Variants in SLC38A4 observed in about 807,000 individuals in gnomAD.
The protein encoded by SLC38A4 is solute carrier family 38 member 4.
A neutral mutation model predicts 63.1 loss-of-function variants in SLC38A4; 20 were observed. That is an observed-to-expected ratio of 0.32 (90% confidence interval 0.22 to 0.46). The LOEUF is 0.46. Among genes scored for constraint, SLC38A4 ranks in the 20% least tolerant of loss-of-function variants. SLC38A4 has a pLI of 1.00. For synonymous variants in SLC38A4, 230 were observed against 225.5 expected (o/e 1.02, Z -0.18); for missense variants, 526 against 663.6 (o/e 0.79, Z 2.28).
chr12:46,764,965 A>G lies in SLC38A4; in HGVS notation c.*1736T>C, dbSNP rs1395691543. On this transcript the variant is annotated 3_prime_UTR_variant, in exon 17 of 17. Transcript: ENST00000266579. ...ATGAATTTTAATCCTGGTTATGAAG[A>G]AAAAAATGGTGCTTTATTATTTGGC... 7 of 152,566 alleles carry G rather than the reference A, an allele frequency of 4.6e-5. No individual in the cohort carries two copies. The highest frequency in any genetic ancestry group is 8.8e-5 in the Non-Finnish European group (6 of 67,982). The allele number at this position is 152,566 out of a possible 1,614,324, so 9.5% of individuals were successfully genotyped here.
chr12:46,791,464 G>C (rs1376093688), intron 3 of SLC38A4, among the ~76,000 whole-genome samples: 1 of 152,132 alleles, frequency 6.6e-6, no homozygotes, highest in Non-Finnish European at 1.5e-5. Flanking sequence ...TCATTGCACT[G>C]AGCTACTTGA....
Position 46,792,962 on chromosome 12 carries a change from G to C in SLC38A4, c.110C>G (p.Ala37Gly). 1 of 1,611,482 alleles carries C rather than the reference G, an allele frequency of 6.2e-7. No individual in the cohort carries two copies. The highest frequency in any genetic ancestry group is 2.2e-5 in the East Asian group (1 of 44,802). The change falls in exon 3 of 17, where the codon GCA becomes GGA. Residue 37 changes from alanine (A) to glycine (G), a missense_variant. Transcript: ENST00000266579. ...ATTTTTAACCCCATACCTGCTCATT[G>C]CTGCCTTTTCTGAATTTCCTATCCC... ...YIGIGNSEKA[A>G]MSSQFANEDT...
At chr12:46,816,251 A>G (rs1336990489) in intron 1 of SLC38A4, among the ~76,000 whole-genome samples, 1 of 151,930 alleles carries the variant, frequency 6.6e-6, no homozygotes, top group African/African-American at 2.4e-5. Flanking sequence ...AAAATTTCTA[A>G]GTTACTTATT....
chr12:46,775,113 A>T lies in SLC38A4; in HGVS notation c.1235T>A (p.Leu412His), dbSNP rs759874361. ...AAGGACTGCCAGGCGAACCATGAGA[A>T]GAGGGATGTCTAATGTATACACTTT... ...YSKVYTLDIPLLMVRLAVLVA... is the reference protein window; with the variant it reads ...YSKVYTLDIPHLMVRLAVLVA... Residue 412 changes from leucine (L) to histidine (H), a missense_variant, in exon 14 of 17, where the codon CTT (leucine) becomes CAT (histidine). By Grantham distance (99) the Leu-to-His change is moderately conservative. Coordinates refer to ENST00000266579, the MANE Select transcript of SLC38A4 (RefSeq NM_018018.5). 6.2e-7 allele frequency: 1 copy of T among 1,612,942 alleles called. No individual in the cohort carries two copies. Among genetic ancestry groups the T allele is most frequent in the Non-Finnish European group, 8.5e-7 (1 of 1,179,208 alleles).
rs1207412170 is a variant in SLC38A4, at chr12:46,766,865, G to A, written c.1543-63C>T. The A allele has an allele frequency of 4.1e-5, 47 of 1,154,108 alleles. No individual in the cohort carries two copies. In the South Asian group the frequency reaches 5.4e-4, roughly 13 times the overall value. The allele number at this position is 1,154,108 out of a possible 1,614,324, so 71.5% of individuals were successfully genotyped here. A position where few individuals can be genotyped will look rare whatever the true frequency, so the allele number is the denominator to read the frequency against. On this transcript the variant is annotated intron_variant, in intron 16 of 16. Coordinates refer to ENST00000266579, the MANE Select transcript of SLC38A4 (RefSeq NM_018018.5). The stretch of plus-strand genomic sequence containing the variant: ...CATACTTAGTACAATTTGTTTTTTA[G>A]TTGTTTACATAATATGGCAATCTGA...
chr12:46,824,751 G>A (rs1044858677), intron 1 of SLC38A4, among the ~76,000 whole-genome samples: 25 of 152,328 alleles, frequency 1.6e-4, no homozygotes, highest in Middle Eastern at 3.4e-3. Context: ...CCGGGGTAGC[G>A]AGGAGCAGGT....
chr12:46,784,458 G>T, intron 7 of SLC38A4, 84 bp downstream of exon 7: 1 of 966,692 alleles, frequency 1.0e-6, no homozygotes, highest in Non-Finnish European at 1.5e-6. Flanking sequence ...TATCTAAAGT[G>T]CCTGTTTATT....
In SLC38A4 at chr12:46,784,653, T is replaced by G. The variant is rs767514898; in HGVS notation, c.401-19A>C. ...AAAGACCCTACAATCAAAGATAAAA[T>G]AGCCTTGTTAAAGAGATTGTTTTAA... On this transcript the variant is annotated intron_variant, in intron 6 of 16. Coordinates refer to ENST00000266579, the MANE Select transcript of SLC38A4 (RefSeq NM_018018.5). 15 of 1,580,428 alleles carry G rather than the reference T, an allele frequency of 9.5e-6. No homozygotes were observed. Among genetic ancestry groups the G allele is most frequent in the Middle Eastern group, 1.7e-4 (1 of 6,006 alleles).
chr12:46,814,772 A>G (rs1939405740), intron 1 of SLC38A4, among the ~76,000 whole-genome samples: 1 of 151,942 alleles, frequency 6.6e-6, no homozygotes, highest in Admixed American at 6.6e-5. Flanking sequence ...ATCAAACAAG[A>G]CAACATGCTT....
Position 46,766,728 on chromosome 12 carries a change from A to G in SLC38A4, c.1617T>C (p.Tyr539=), listed in dbSNP as rs1212990380. 1.2e-6 allele frequency: 2 copies of G among 1,611,560 alleles called. No individual in the cohort carries two copies. The highest frequency in any genetic ancestry group is 1.3e-5 in the African/African-American group (1 of 74,888). Residue 539 remains tyrosine (Y), a synonymous_variant, in exon 17 of 17, where the codon TAT becomes TAC. Coordinates refer to ENST00000266579, the MANE Select transcript of SLC38A4 (RefSeq NM_018018.5). ...SMALIIIDWI[Y]DPPNSKHH ...AGTGATGCTTGGAATTTGGAGGATC[A>G]TAAATCCAGTCAATTATAATGAGTG... is the stretch of plus-strand genomic sequence containing the variant.
At chr12:46,772,189 G>T (rs776598519) in intron 14 of SLC38A4, among the ~76,000 whole-genome samples, 7 of 150,550 alleles carry the variant, frequency 4.6e-5, no homozygotes, top group Non-Finnish European at 8.9e-5. Context: ...CTTTGATTTT[G>T]CAGGTTTGCT....
chr12:46,821,944 C>A (rs900683210), intron 1 of SLC38A4, among the ~76,000 whole-genome samples: 1 of 152,004 alleles, frequency 6.6e-6, no homozygotes, highest in African/African-American at 2.4e-5. Context: ...TTACTATAAA[C>A]GTGATTGTTT....
upstream of SLC38A4, among the ~76,000 whole-genome samples, chr12:46,829,032 C>A (rs1195564660): frequency 6.6e-6 from 1 of 152,176 alleles, no homozygotes; most frequent in African/African-American, 2.4e-5. Flanking sequence ...CAAGCAGGAG[C>A]TTTTGCATAG....
chr12:46,830,804 CG>C (rs746206304), upstream of SLC38A4, among the ~76,000 whole-genome samples: 6 of 152,170 alleles, frequency 3.9e-5, no homozygotes, highest in Non-Finnish European at 8.8e-5. Flanking sequence ...TTTAAGACCT[CG>C]GCATTTAATA....
At chr12:46,814,583 A>G (rs979215442) in intron 1 of SLC38A4, among the ~76,000 whole-genome samples, 4 of 151,986 alleles carry the variant, frequency 2.6e-5, no homozygotes, top group Admixed American at 6.6e-5. Context: ...CATTTCACTC[A>G]CACTGTACCA....
At chr12:46,832,163 G>T (rs1939740239) in intron 1 of SLC38A4, among the ~76,000 whole-genome samples, 1 of 152,078 alleles carries the variant, frequency 6.6e-6, no homozygotes. Context: ...GTCATGAAGA[G>T]CCCCAGACAT....
intron 1 of SLC38A4, among the ~76,000 whole-genome samples, chr12:46,805,947 A>G (rs2120874355): frequency 6.6e-6 from 1 of 151,926 alleles, no homozygotes; most frequent in East Asian, 1.9e-4. Context: ...GGCTTCCCAG[A>G]CTAGAACCTA....
At chr12:46,830,292 T>TCG (rs1307182505), upstream of SLC38A4, among the ~76,000 whole-genome samples, 34 of 119,208 alleles carry the variant, frequency 2.9e-4, no homozygotes, top group East Asian at 8.5e-3. Flanking sequence ...ATTCTCTCTC[T>TCG]CTCTCTCACA....
At chr12:46,785,056 T>C in intron 6 of SLC38A4, 48 bp downstream of exon 6, 3 of 1,414,616 alleles carry the variant, frequency 2.1e-6, no homozygotes, top group Non-Finnish European at 3.0e-6. Flanking sequence ...TGAAATACTC[T>C]TTTATGAGAA....
Sources: gnomAD v4.1 joint callset for allele counts (sites outside exome capture counted in the v4.1 genomes callset) on GRCh38, gnomAD v4.1.1 for gene constraint, MANE v1.5 for transcripts, NCBI Gene and HGNC (gene_info 2026-07-23, HGNC 2026-07-21) for gene names.